The following CPAMD8 variants were observed in gnomAD, a reference collection of about 807,000 sequenced individuals.
CPAMD8 encodes the protein C3 and PZP like alpha-2-macroglobulin domain containing 8.
A neutral mutation model predicts 224.7 loss-of-function variants in CPAMD8; 146 were observed. The observed-to-expected ratio is 0.65, with a 90% CI of 0.57 to 0.75. The LOEUF is 0.75. Ranked by LOEUF, CPAMD8 falls within the 30% of genes least tolerant of loss-of-function variation. CPAMD8 has a pLI of 0.00. For synonymous variants in CPAMD8, 966 were observed against 1,044.6 expected, an observed-to-expected ratio of 0.92 and a Z score of 1.45; for missense variants, 2,301 against 2,537.5, an observed-to-expected ratio of 0.91 and a Z score of 2.00.
rs781201629 is a variant in CPAMD8, at chr19:16,980,626, A to C, written c.1456T>G (p.Tyr486Asp). ...ATATTGCCCCGTGCAGCCACCTCGT[A>C]GTACAGGGTAAAGTTGCAGGGACAT... ...STCPCNFTLY[Y>D]EVAARGNIVL... Residue 486 changes from tyrosine to aspartate, a missense_variant, in exon 14 of 42, where the codon TAC becomes GAC. Physicochemically the swap from Tyr to Asp is radical, Grantham distance 160. Coordinates refer to ENST00000443236, the MANE Select transcript of CPAMD8 (RefSeq NM_015692.5). 6.2e-7 allele frequency: 1 copy of C among 1,604,790 alleles called. No individual in the cohort carries two copies. The highest frequency in any genetic ancestry group is 8.5e-7 in the Non-Finnish European group (1 of 1,176,306).
Position 16,977,511 on chromosome 19 carries a change from C to T in CPAMD8, c.1615G>A (p.Asp539Asn), listed in dbSNP as rs183799258. ...EPPPAPEAEVDVCVTSLHLAV... is the reference protein window; with the variant it reads ...EPPPAPEAEVNVCVTSLHLAV... ...AGATGAAGAGAGGTCACACACACGT[C>T]GACCTCAGCTTCTGGGGCTGGTGGG... The change falls in exon 15 of 42, where the codon GAC becomes AAC. Residue 539 changes from aspartate (D) to asparagine (N), a missense_variant. Coordinates refer to ENST00000443236, the MANE Select transcript of CPAMD8 (RefSeq NM_015692.5). 9 of 1,601,538 alleles carry T rather than the reference C, an allele frequency of 5.6e-6. No homozygotes were observed. The highest frequency in any genetic ancestry group is 2.7e-5 in the African/African-American group (2 of 74,168).
intron 3 of CPAMD8, among the ~76,000 whole-genome samples, 157 bp downstream of exon 3, chr19:17,020,174 A>G (rs1447436627): frequency 6.6e-6 from 1 of 150,882 alleles, no homozygotes; most frequent in East Asian, 2.0e-4. Flanking sequence ...CGGTTTCACC[A>G]TGTTGCCCAG....
chr19:17,009,492 G>A lies in CPAMD8; in HGVS notation c.487-172C>T, dbSNP rs10418865. 0.047 allele frequency: 53,965 copies of A among 1,160,312 alleles called. 1,352 individuals carry two copies. Among genetic ancestry groups the A allele is most frequent in the Middle Eastern group, 0.073 (354 of 4,874 alleles). The allele number at this position is 1,160,312 out of a possible 1,614,324, so 71.9% of individuals were successfully genotyped here. On this transcript the variant is annotated intron_variant, in intron 5 of 41. Coordinates refer to ENST00000443236, the MANE Select transcript of CPAMD8 (RefSeq NM_015692.5). ...TAACCCCAAGTAGGGTCTTTAGAAA[G>A]ACTCATTACAGGTGGCTCATGCCTG...
intron 23 of CPAMD8, among the ~76,000 whole-genome samples, chr19:16,936,406 TTTG>T (rs1275688165): frequency 2.6e-5 from 4 of 152,098 alleles, no homozygotes; most frequent in East Asian, 1.9e-4. Flanking sequence ...TGTTTGTTTG[TTTG>T]TTGTTGTTGT....
Position 16,907,083 on chromosome 19 carries a change from A to C in CPAMD8, c.3896T>G (p.Phe1299Cys), listed in dbSNP as rs1416787283. The C allele has an allele frequency of 6.3e-7, 1 of 1,584,988 alleles. No individual in the cohort carries two copies. Among genetic ancestry groups the C allele is most frequent in the East Asian group, 2.3e-5 (1 of 44,222 alleles). ...ERGSTDKARHFLESAAPLAMD... is the reference protein window; with the variant it reads ...ERGSTDKARHCLESAAPLAMD... ...GGCCAGGGGCGCAGCAGACTCCAGG[A>C]AGTGCCTCGCTTTGTCAGTGGAGCC... Residue 1299 changes from phenylalanine (F) to cysteine (C), a missense_variant, in exon 30 of 42, where the codon TTC becomes TGC. Physicochemically the swap from Phe to Cys is radical, Grantham distance 205 (BLOSUM62 -2). This residue lies in a region of CPAMD8 where 1,709 missense variants were observed against 1,753.2 expected (regional missense o/e 0.97). Transcript: ENST00000443236.
chr19:16,926,851 A>G (rs1233007420), intron 25 of CPAMD8, among the ~76,000 whole-genome samples: 1 of 152,036 alleles, frequency 6.6e-6, no homozygotes, highest in East Asian at 1.9e-4. Context: ...ACTCAGCCCC[A>G]CATCCACTCT....
chr19:17,011,679 G>A lies in CPAMD8; in HGVS notation c.346C>T (p.His116Tyr), dbSNP rs779986442. The A allele has an allele frequency of 4.2e-5, 68 of 1,614,038 alleles. No individual in the cohort carries two copies. Among genetic ancestry groups the A allele is most frequent in the Middle Eastern group, 1.7e-4 (1 of 5,968 alleles). The change falls in exon 4 of 42, where the codon CAC (histidine) becomes TAC (tyrosine). Residue 116 changes from histidine to tyrosine, a missense_variant. His to Tyr is a moderately conservative substitution (Grantham distance 83). Around this residue, in one of 4 missense-constraint regions of CPAMD8, gnomAD observed 283 missense variants for 340.6 expected, o/e 0.83. Transcript: ENST00000443236. ...TCCACGGTCACCGAGGTCTGGTTGT[G>A]AAAGAGGGGCCCCTCCTCCGCCTGC... is the stretch of plus-strand genomic sequence containing the variant. ...GWQAEEGPLF[H>Y]NQTSVTVDGR...
intron 3 of CPAMD8, among the ~76,000 whole-genome samples, chr19:17,015,131 A>G (rs2123189382): frequency 6.6e-6 from 1 of 152,228 alleles, no homozygotes; most frequent in Middle Eastern, 3.4e-3. Context: ...AGTCCCAGCG[A>G]CTCAGGAGGC....
In CPAMD8 at chr19:16,966,646, GA is replaced by G. The variant is rs565927066; in HGVS notation, c.2213+4244del. 1.6e-3 allele frequency among the ~76,000 whole-genome samples: 245 copies of G among 151,972 alleles called. 1 individual carries two copies. Among genetic ancestry groups the G allele is most frequent in the African/African-American group, 5.6e-3 (233 of 41,478 alleles). ...ACAAAGAACTCAAACAAATTTACAA[GA>G]AAAAAACAAACAACCCCATCAAAAA... is the stretch of plus-strand genomic sequence containing the variant. On this transcript the variant is annotated intron_variant, in intron 18 of 41. Transcript: ENST00000443236.
At chr19:16,897,838 G>GCGA in intron 38 of CPAMD8, 37 bp from the exon 39 acceptor site, 1 of 1,575,202 alleles carries the variant, frequency 6.3e-7, no homozygotes, top group Non-Finnish European at 8.6e-7. Context: ...AAGTGCAGGC[G>GCGA]CGACGGGTCA....
chr19:17,025,795 C>A (rs1032724843), intron 1 of CPAMD8, among the ~76,000 whole-genome samples: 6 of 152,176 alleles, frequency 3.9e-5, no homozygotes, highest in Non-Finnish European at 2.9e-5. Context: ...ATGCTCAGAG[C>A]GCAGTAGACT....
At chr19:16,938,181 C>T (rs2053761161) in intron 23 of CPAMD8, among the ~76,000 whole-genome samples, 1 of 152,146 alleles carries the variant, frequency 6.6e-6, no homozygotes, top group South Asian at 2.1e-4. Flanking sequence ...TATTCATTCC[C>T]TGTGTATTCA....
rs191832131 is a variant in CPAMD8 at position 16,901,166 on chromosome 19, G to A, written c.4773+44C>T. 1,260 of 1,434,912 alleles carry A rather than the reference G, an allele frequency of 8.8e-4. 6 individuals are homozygous for A. In the African/African-American group the frequency reaches 0.013, roughly 15 times the overall value. 88.9% of individuals were successfully genotyped at this position (1,434,912 alleles called of 1,614,324 possible). Reference sequence around the variant, plus strand: ...CCTGGGTGCCTAAGCCCTACCTATTGTTCAGAGATCCCTGCCCACCGCTGC... The same window carrying A: ...CCTGGGTGCCTAAGCCCTACCTATTATTCAGAGATCCCTGCCCACCGCTGC... On this transcript the variant is annotated intron_variant, in intron 36 of 41. Coordinates refer to ENST00000443236, the MANE Select transcript of CPAMD8 (RefSeq NM_015692.5).
At position 17,014,842 on chromosome 19, in the gene CPAMD8, G is replaced by A. The variant is rs138633192; in HGVS notation, c.268-3085C>T. Among the ~76,000 whole-genome samples, 99 of 152,280 alleles carry A rather than the reference G, an allele frequency of 6.5e-4. No homozygotes were observed. In the Middle Eastern group the frequency reaches 0.017, roughly 26 times the overall value. ...CCATATTACCTCCCTCTATGTGACC[G>A]GTATTTGATGATAGTTACCCTCTCA... On this transcript the variant is annotated intron_variant, in intron 3 of 41. Coordinates refer to ENST00000443236, the MANE Select transcript of CPAMD8 (RefSeq NM_015692.5).
At chr19:16,948,815 G>A (rs891805831) in intron 20 of CPAMD8, among the ~76,000 whole-genome samples, 66 of 129,018 alleles carry the variant, frequency 5.1e-4, no homozygotes, top group Middle Eastern at 3.8e-3. Context: ...GGGGAAGAGA[G>A]GGGAAGGGAA....
chr19:16,957,607 C>T (rs1045806985), intron 19 of CPAMD8: 1 of 505,656 alleles, frequency 2.0e-6, no homozygotes, highest in Non-Finnish European at 3.6e-6. Context: ...ATAGAGTAAC[C>T]CCAAGAGGGA....
intron 13 of CPAMD8, among the ~76,000 whole-genome samples, chr19:16,983,082 A>T (rs1308422457): frequency 6.6e-6 from 1 of 152,170 alleles, no homozygotes; most frequent in African/African-American, 2.4e-5. Flanking sequence ...AGGCCTCCCC[A>T]GCCACGTGGA....
chr19:16,942,034 G>A (rs976286771), intron 22 of CPAMD8, among the ~76,000 whole-genome samples: 1 of 151,892 alleles, frequency 6.6e-6, no homozygotes, highest in African/African-American at 2.4e-5. Context: ...TCCTCCTCCT[G>A]CTCCAGCCAT....
At chr19:16,956,890 T>A (rs1270101072) in intron 19 of CPAMD8, among the ~76,000 whole-genome samples, 1 of 151,938 alleles carries the variant, frequency 6.6e-6, no homozygotes, top group African/African-American at 2.4e-5. Context: ...GTGGTCTCGA[T>A]CTCCTGATCT....
Sources: allele counts gnomAD v4.1 joint callset (sites outside exome capture counted in the v4.1 genomes callset), GRCh38; gene constraint gnomAD v4.1.1; regional missense constraint gnomAD v4.1.1; transcripts MANE v1.5; gene names NCBI Gene and HGNC (gene_info 2026-07-23, HGNC 2026-07-21).